SLC8A3: variants seen among roughly 807,000 people sequenced by gnomAD.
SLC8A3 encodes sodium/calcium exchanger 3.
A neutral mutation model predicts 65.4 loss-of-function variants in SLC8A3; 37 were observed. The ratio of observed to expected loss-of-function variants is 0.57; its 90% CI spans 0.44 to 0.74. The LOEUF is 0.74. SLC8A3 is among the 30% of genes least tolerant of loss of function. The probability of loss-of-function intolerance (pLI) is 0.00; values close to 1 mark genes in which losing one functional copy is unlikely to be tolerated. For missense variants in SLC8A3, 1,112 were observed against 1,172.1 expected (o/e 0.95, Z 0.75); for synonymous variants, 461 against 444.5 (o/e 1.04, Z -0.47).
At chr14:70,163,827 C>A (rs1227764950) in intron 2 of SLC8A3, among the ~76,000 whole-genome samples, 1 of 152,142 alleles carries the variant, frequency 6.6e-6, no homozygotes, top group East Asian at 1.9e-4. Flanking sequence ...CCTCCTGGAT[C>A]CTAATCTGCC....
At chr14:70,124,087 T>C (rs1894274187) in intron 2 of SLC8A3, among the ~76,000 whole-genome samples, 1 of 152,190 alleles carries the variant, frequency 6.6e-6, no homozygotes, top group Non-Finnish European at 1.5e-5. Context: ...GATAAGACTA[T>C]GGATATAAAC....
In SLC8A3 at chr14:70,152,855, G is replaced by A. The variant is rs527705081; in HGVS notation, c.1784+13784C>T. On this transcript the variant is annotated intron_variant, in intron 2 of 6. Coordinates refer to ENST00000356921, the MANE Select transcript of SLC8A3 (RefSeq NM_182932.3). ...AGGGCAACTCCCTGTAGAGTGGCAG[G>A]GGGCTGTCATTACAAGGCCCAGATA... Among the ~76,000 whole-genome samples, 4 of 152,298 alleles carry A rather than the reference G, an allele frequency of 2.6e-5. No homozygotes were observed. In the South Asian group the frequency reaches 8.3e-4, roughly 32 times the overall value.
rs905891828 is a variant in SLC8A3 at position 70,086,526 on chromosome 14, C to G, written c.1785-25587G>C. On this transcript the variant is annotated intron_variant, in intron 2 of 6. Transcript: ENST00000356921. ...AAGTGATTCTCCGGCCTCAGCCTCC[C>G]GAGTAGCTGGGATTACAGGAGCCCG... is the stretch of plus-strand genomic sequence containing the variant. Among the ~76,000 whole-genome samples the G allele has an allele frequency of 2.0e-5, 3 of 151,626 alleles. No homozygotes were observed. The South Asian group carries it at 6.3e-4, about 32-fold the overall frequency.
chr14:70,168,457 C>T lies in SLC8A3; in HGVS notation c.-35G>A, dbSNP rs764039760. The T allele has an allele frequency of 6.5e-7, 1 of 1,549,254 alleles. No individual in the cohort carries two copies. The highest frequency in any genetic ancestry group is 1.7e-5 in the Admixed American group (1 of 58,316). ...TTAGCCACTGGCTTCTATTGCAGCA[C>T]CAGTTGTCCTCCTGATAGGCCAGAG... is the stretch of plus-strand genomic sequence containing the variant. On this transcript the variant is annotated 5_prime_UTR_variant, in exon 2 of 7. In the 5' UTR this introduces an upstream ATG that the reference lacks. Transcript: ENST00000356921.
chr14:70,122,157 C>T (rs1054451451), intron 2 of SLC8A3, among the ~76,000 whole-genome samples: 2 of 152,046 alleles, frequency 1.3e-5, no homozygotes, highest in Admixed American at 6.6e-5. Context: ...AACTGGGGGA[C>T]GAGGGGCGGT....
intron 2 of SLC8A3, among the ~76,000 whole-genome samples, chr14:70,123,137 C>T (rs1894197284): frequency 6.9e-6 from 1 of 144,944 alleles, no homozygotes; most frequent in African/African-American, 2.6e-5. Context: ...CCCAGCTACT[C>T]AGGAGGCTGA....
At chr14:70,079,847 CT>C (rs1890889719) in intron 2 of SLC8A3, 1 of 152,816 alleles carries the variant, frequency 6.5e-6, no homozygotes, top group Admixed American at 6.5e-5. Context: ...AAATCTCTCA[CT>C]TGCACCTGTC....
rs566102654 is a variant in SLC8A3 at position 70,128,219 on chromosome 14, G to A, written c.1784+38420C>T. On this transcript the variant is annotated intron_variant, in intron 2 of 6. Coordinates refer to ENST00000356921, the MANE Select transcript of SLC8A3 (RefSeq NM_182932.3). ...GTATCCAAATCTAGTTATCATCATAGCATGTCTTCTTATCTATCTCCCTTA... is the reference window on the plus strand; with the variant it reads ...GTATCCAAATCTAGTTATCATCATAACATGTCTTCTTATCTATCTCCCTTA... Among the ~76,000 whole-genome samples the A allele has an allele frequency of 4.6e-5, 7 of 152,190 alleles. 1 individual carries two copies. The South Asian group carries it at 6.2e-4, about 14-fold the overall frequency.
intron 3 of SLC8A3, among the ~76,000 whole-genome samples, chr14:70,056,579 T>G (rs1332929761): frequency 6.6e-6 from 1 of 152,218 alleles, no homozygotes; most frequent in Non-Finnish European, 1.5e-5. Context: ...CTTAGCAAAG[T>G]CCCTGCATGT....
chr14:70,083,261 T>C (rs2140013990), intron 2 of SLC8A3, among the ~76,000 whole-genome samples: 1 of 152,274 alleles, frequency 6.6e-6, no homozygotes, highest in East Asian at 1.9e-4. Context: ...GGAGAGCTCT[T>C]TACAGTGGAC....
intron 2 of SLC8A3, among the ~76,000 whole-genome samples, chr14:70,098,907 C>T (rs868404506): frequency 1.3e-5 from 2 of 152,174 alleles, no homozygotes; most frequent in African/African-American, 4.8e-5. Flanking sequence ...GATTTCTATC[C>T]TGCAGGTTTT....
intron 2 of SLC8A3, among the ~76,000 whole-genome samples, chr14:70,107,493 A>T (rs1892956054): frequency 6.6e-6 from 1 of 152,126 alleles, no homozygotes; most frequent in Non-Finnish European, 1.5e-5. Context: ...GGAGACATTT[A>T]GCTTGCCCTG....
chr14:70,160,006 C>T lies in SLC8A3; in HGVS notation c.1784+6633G>A, dbSNP rs111443865. On this transcript the variant is annotated intron_variant, in intron 2 of 6. Coordinates refer to ENST00000356921, the MANE Select transcript of SLC8A3 (RefSeq NM_182932.3). ...TTCCACCAACCAACTGTGGGTGCCACGGGTAGAAAATATTTGAAAAAATAA... is the reference window on the plus strand; with the variant it reads ...TTCCACCAACCAACTGTGGGTGCCATGGGTAGAAAATATTTGAAAAAATAA... Among the ~76,000 whole-genome samples the T allele has an allele frequency of 1.8e-3, 278 of 151,706 alleles. 3 individuals are homozygous for T. Among genetic ancestry groups the T allele is most frequent in the East Asian group, 0.01 (54 of 5,174 alleles).
rs150755413 is a variant in SLC8A3, at chr14:70,168,684, G to A, written c.-62-200C>T. On this transcript the variant is annotated intron_variant, in intron 1 of 6. Coordinates refer to ENST00000356921, the MANE Select transcript of SLC8A3 (RefSeq NM_182932.3). ...CTCCAAACCATCTGGTGGAGACTCCGTTGAAAAATGGCTTGAAATAGCTGG... is the reference window on the plus strand; with the variant it reads ...CTCCAAACCATCTGGTGGAGACTCCATTGAAAAATGGCTTGAAATAGCTGG... Among the ~76,000 whole-genome samples, 53 of 152,286 alleles carry A rather than the reference G, an allele frequency of 3.5e-4. No homozygotes were observed. The South Asian group carries it at 4.2e-3, about 12-fold the overall frequency.
intron 2 of SLC8A3, among the ~76,000 whole-genome samples, chr14:70,065,223 C>G (rs1889288829): frequency 6.6e-6 from 1 of 152,152 alleles, no homozygotes; most frequent in African/African-American, 2.4e-5. Context: ...TCCTGAGCTT[C>G]CCCAAGTCAC....
At chr14:70,137,107 A>G (rs960807177) in intron 2 of SLC8A3, among the ~76,000 whole-genome samples, 4 of 152,058 alleles carry the variant, frequency 2.6e-5, no homozygotes, top group African/African-American at 7.2e-5. Flanking sequence ...CTTTTTTTCT[A>G]CTAGTTCATA....
intron 2 of SLC8A3, among the ~76,000 whole-genome samples, chr14:70,064,576 A>T (rs965362644): frequency 6.6e-6 from 1 of 151,942 alleles, no homozygotes; most frequent in African/African-American, 2.4e-5. Flanking sequence ...GCTGGGGGGA[A>T]ATTTGGCTCA....
chr14:70,164,733 G>A (rs938217149), intron 2 of SLC8A3, among the ~76,000 whole-genome samples: 5 of 152,152 alleles, frequency 3.3e-5, no homozygotes, highest in Admixed American at 2.0e-4. Context: ...CCACAAGTCC[G>A]TCAAATTATG....
At chr14:70,160,281 C>T (rs1020461100) in intron 2 of SLC8A3, among the ~76,000 whole-genome samples, 2 of 152,104 alleles carry the variant, frequency 1.3e-5, no homozygotes, top group Non-Finnish European at 2.9e-5. Flanking sequence ...TCTGTCTCTA[C>T]TAAAAATACA....
Sources: allele counts gnomAD v4.1 joint callset (sites outside exome capture counted in the v4.1 genomes callset), GRCh38; gene constraint gnomAD v4.1.1; transcripts MANE v1.5; gene names NCBI Gene and HGNC (gene_info 2026-07-23, HGNC 2026-07-21).